The following BIRC6 variants were observed in gnomAD, a reference collection of about 807,000 sequenced individuals.
The protein encoded by BIRC6 is dual E2 ubiquitin-conjugating enzyme/E3 ubiquitin-protein ligase BIRC6.
Under a neutral mutation model 503.3 loss-of-function variants are expected in BIRC6, and 98 were observed. The ratio of observed to expected loss-of-function variants is 0.19; its 90% CI spans 0.17 to 0.23. The LOEUF (loss-of-function observed/expected upper bound fraction) is 0.23, where lower values mean the gene tolerates loss of function less well. Among genes scored for constraint, BIRC6 ranks in the 10% least tolerant of loss-of-function variants. The probability of loss-of-function intolerance (pLI) is 1.00; values close to 1 mark genes in which losing one functional copy is unlikely to be tolerated. For missense variants in BIRC6, 5,360 were observed against 5,806.0 expected, an observed-to-expected ratio of 0.92 and a Z score of 2.50; for synonymous variants, 2,240 against 2,078.7, an observed-to-expected ratio of 1.08 and a Z score of -2.11.
intron 3 of BIRC6, among the ~76,000 whole-genome samples, chr2:32,382,724 A>T (rs1156710019): frequency 6.6e-6 from 1 of 152,136 alleles, no homozygotes; most frequent in Non-Finnish European, 1.5e-5. Flanking sequence ...CTTTTTAAAA[A>T]ATTTATTTTT....
chr2:32,367,401 T>G (rs1275633976), intron 1 of BIRC6, among the ~76,000 whole-genome samples: 1 of 149,182 alleles, frequency 6.7e-6, no homozygotes, highest in African/African-American at 2.5e-5. Context: ...GGCAGAGGTT[T>G]GCACTGAGCT....
Position 32,531,376 on chromosome 2 carries a change from G to T in BIRC6, c.12116G>T (p.Ser4039Ile), listed in dbSNP as rs1429590278. Residue 4039 changes from serine (S) to isoleucine (I), a missense_variant, in exon 61 of 74, where the codon AGC becomes ATC. By Grantham distance (142) the Ser-to-Ile change is moderately radical. This residue lies in a region of BIRC6 where 878 missense variants were observed against 928.9 expected (regional missense o/e 0.95). Coordinates refer to ENST00000421745, the MANE Select transcript of BIRC6 (RefSeq NM_016252.4). ...CTAGATCATGGAGACTTACTTGCTA[G>T]CTGTCCAGAAGATGAGGCTCTCACT... ...PEKDHGDLLA[S>I]CPEDEALTPG... 1.9e-6 allele frequency: 3 copies of T among 1,611,630 alleles called. No individual in the cohort carries two copies. The African/African-American group carries it at 4.0e-5, about 22-fold the overall frequency.
intron 51 of BIRC6, among the ~76,000 whole-genome samples, chr2:32,508,490 G>T (rs1298563286): frequency 6.6e-6 from 1 of 151,692 alleles, no homozygotes; most frequent in Admixed American, 6.6e-5. Context: ...TCTTTGAGAT[G>T]ATCTGTATGC....
intron 1 of BIRC6, among the ~76,000 whole-genome samples, chr2:32,369,329 A>C (rs917931330): frequency 2.0e-5 from 3 of 152,208 alleles, no homozygotes; most frequent in Non-Finnish European, 4.4e-5. Context: ...CTCTAAATAG[A>C]AATTCGCAAG....
intron 43 of BIRC6, among the ~76,000 whole-genome samples, chr2:32,490,381 C>T (rs1290363912): frequency 6.6e-6 from 1 of 152,108 alleles, no homozygotes; most frequent in African/African-American, 2.4e-5. Context: ...AACCTTATCT[C>T]TACTAAAAAT....
chr2:32,549,470 G>T lies in BIRC6; in HGVS notation c.13133G>T (p.Arg4378Leu). ...ATCCCAGCCATGTCATCTTATCTAC[G>T]AAATGATTCAGGTAAATAATCCCTG... ...CLIPAMSSYLRNDSVLDMARH... is the reference protein window; with the variant it reads ...CLIPAMSSYLLNDSVLDMARH... Residue 4378 changes from arginine (R) to leucine (L), a missense_variant, in exon 65 of 74, where the codon CGA becomes CTA. Physicochemically the swap from Arg to Leu is moderately radical, Grantham distance 102 (BLOSUM62 -2). Transcript: ENST00000421745. 1 of 1,437,514 alleles carries T rather than the reference G, an allele frequency of 7.0e-7. No individual in the cohort carries two copies. Among genetic ancestry groups the T allele is most frequent in the Non-Finnish European group, 9.3e-7 (1 of 1,074,662 alleles). 89.0% of individuals were successfully genotyped at this position (1,437,514 alleles called of 1,614,324 possible).
rs2033165771 is a variant in BIRC6 at position 32,357,094 on chromosome 2, G to A, written c.-68G>A. On this transcript the variant is annotated 5_prime_UTR_variant, in exon 1 of 74. Coordinates refer to ENST00000421745, the MANE Select transcript of BIRC6 (RefSeq NM_016252.4). The surrounding 1 kb of genome is among the most constrained non-coding windows in gnomAD (Gnocchi z 4.9). ...TGGCCCCTCCGGCCGGGCGATCGAC[G>A]TTCCGCGTGCGTGCGGGCGCCTGAC... 3 of 1,337,460 alleles carry A rather than the reference G, an allele frequency of 2.2e-6. No homozygotes were observed. The highest frequency in any genetic ancestry group is 3.3e-5 in the Admixed American group (1 of 30,320). The allele number at this position is 1,337,460 out of a possible 1,614,324, so 82.8% of individuals were successfully genotyped here.
Position 32,415,932 on chromosome 2 carries a change from A to G in BIRC6, c.2641A>G (p.Met881Val). The G allele has an allele frequency of 6.2e-7, 1 of 1,613,988 alleles. No homozygotes were observed. Among genetic ancestry groups the G allele is most frequent in the South Asian group, 1.1e-5 (1 of 91,084 alleles). Reference protein sequence around the residue: ...EDDCEEPIEDMQLTSKNGFER... With the variant: ...EDDCEEPIEDVQLTSKNGFER... ...TGACTGTGAGGAACCTATTGAGGAC[A>G]TGCAGTTAACCTCAAAGAATGGTTT... Residue 881 changes from methionine to valine, a missense_variant, in exon 10 of 74, where the codon ATG becomes GTG. By Grantham distance (21) the Met-to-Val change is conservative. Around this residue, in one of 16 missense-constraint regions of BIRC6, gnomAD observed 700 missense variants for 739.3 expected, o/e 0.95. Transcript: ENST00000421745.
intron 72 of BIRC6, among the ~76,000 whole-genome samples, chr2:32,608,749 G>A (rs190693444): frequency 3.9e-5 from 6 of 152,146 alleles, no homozygotes; most frequent in African/African-American, 1.4e-4. Context: ...CCTTCTACTA[G>A]CAAACTCTCT....
chr2:32,365,983 C>G (rs139518797), intron 1 of BIRC6, among the ~76,000 whole-genome samples: 1 of 152,046 alleles, frequency 6.6e-6, no homozygotes, highest in South Asian at 2.1e-4. Context: ...CTCCTGGGTT[C>G]AAGCGATTCT....
chr2:32,430,811 T>TC, intron 11 of BIRC6, 54 bp from the exon 12 acceptor site: 1 of 892,534 alleles, frequency 1.1e-6, no homozygotes, highest in South Asian at 2.4e-5. Flanking sequence ...TCTTCTTTTT[T>TC]TTTTTTTTTT....
At chr2:32,602,965 A>G (rs909943836) in intron 70 of BIRC6, 41 bp from the exon 71 acceptor site, 6 of 1,537,050 alleles carry the variant, frequency 3.9e-6, no homozygotes, top group Admixed American at 2.1e-5. Context: ...GTTTTTAAGC[A>G]CTCTTTTTTC....
intron 23 of BIRC6, among the ~76,000 whole-genome samples, chr2:32,457,619 CATTA>C (rs1467081699): frequency 2.6e-5 from 4 of 151,986 alleles, no homozygotes; most frequent in Non-Finnish European, 5.9e-5. Context: ...TCCCATGATA[CATTA>C]TTATAATTTT....
At chr2:32,549,176 T>TTAAC in intron 64 of BIRC6, 137 bp from the exon 65 acceptor site, 1 of 567,768 alleles carries the variant, frequency 1.8e-6, no homozygotes, top group Non-Finnish European at 2.8e-6. Flanking sequence ...AAACAAATAA[T>TTAAC]TATTTTAAAA....
chr2:32,571,152 T>A (rs1463364996), intron 65 of BIRC6, among the ~76,000 whole-genome samples: 2 of 152,056 alleles, frequency 1.3e-5, no homozygotes, highest in Non-Finnish European at 2.9e-5. Context: ...GATTTACTTG[T>A]TTTTTGTTTT....
chr2:32,392,696 C>T (rs1026234231), intron 5 of BIRC6, among the ~76,000 whole-genome samples: 2 of 152,268 alleles, frequency 1.3e-5, no homozygotes, highest in South Asian at 2.1e-4. Flanking sequence ...TATCACCACT[C>T]ACTTCAGTCT....
intron 23 of BIRC6, among the ~76,000 whole-genome samples, chr2:32,462,281 T>C (rs1390983689): frequency 2.6e-5 from 4 of 152,252 alleles, no homozygotes; most frequent in Non-Finnish European, 5.9e-5. Context: ...GCTGACATAT[T>C]GGATTAAGTT....
chr2:32,401,801 A>G (rs1359052235), intron 8 of BIRC6, among the ~76,000 whole-genome samples, 178 bp downstream of exon 8: 2 of 152,240 alleles, frequency 1.3e-5, no homozygotes, highest in African/African-American at 2.4e-5. Flanking sequence ...ATCTTCATTC[A>G]GAAACACCGT....
intron 65 of BIRC6, among the ~76,000 whole-genome samples, chr2:32,562,351 A>G (rs184898394): frequency 6.6e-6 from 1 of 152,340 alleles, no homozygotes; most frequent in Non-Finnish European, 1.5e-5. Context: ...AGCAGATAGT[A>G]CAGAGTTCCC....
Sources: allele counts gnomAD v4.1 joint callset (sites outside exome capture counted in the v4.1 genomes callset), GRCh38; gene constraint gnomAD v4.1.1; regional missense constraint gnomAD v4.1.1; non-coding constraint Gnocchi (gnomAD v3.1); transcripts MANE v1.5; gene names NCBI Gene and HGNC (gene_info 2026-07-23, HGNC 2026-07-21).